SH3KBP1: variants seen among roughly 807,000 people sequenced by gnomAD.
SH3KBP1 encodes the protein SH3 domain containing kinase binding protein 1.
In SH3KBP1, 8 loss-of-function variants were observed where a neutral mutation model predicts 50.1. The ratio of observed to expected loss-of-function variants is 0.16; its 90% CI spans 0.09 to 0.29. SH3KBP1 has a LOEUF of 0.29. Ranked by LOEUF, SH3KBP1 falls within the 10% of genes least tolerant of loss-of-function variation. SH3KBP1 has a pLI of 1.00. For synonymous variants in SH3KBP1, 227 were observed against 218.6 expected, an observed-to-expected ratio of 1.04 and a Z score of -0.34; for missense variants, 377 against 535.2, an observed-to-expected ratio of 0.70 and a Z score of 2.92.
chrX:19,791,913 C>T (rs962279313), intron 2 of SH3KBP1, among the ~76,000 whole-genome samples: 4 of 111,473 alleles, frequency 3.6e-5, no homozygotes, highest in Non-Finnish European at 5.7e-5. Flanking sequence ...AATACATTTC[C>T]GTAATTTTGA....
At chrX:19,758,124 G>C (rs1468212128) in intron 2 of SH3KBP1, among the ~76,000 whole-genome samples, 3 of 109,687 alleles carry the variant, frequency 2.7e-5, no homozygotes, top group Non-Finnish European at 5.7e-5. Context: ...GCAGGAGTTC[G>C]AGACCAGCCT....
intron 10 of SH3KBP1, among the ~76,000 whole-genome samples, chrX:19,592,654 G>A (rs986025117): frequency 8.9e-6 from 1 of 111,904 alleles, no homozygotes; most frequent in Non-Finnish European, 1.9e-5. Context: ...ATGTGGGTGG[G>A]CCTGTGACTG....
intron 2 of SH3KBP1, among the ~76,000 whole-genome samples, chrX:19,789,472 G>A (rs765027260): frequency 1.1e-4 from 12 of 110,581 alleles, no homozygotes; most frequent in Non-Finnish European, 1.7e-4. Context: ...CTGAAGGCTG[G>A]AATCAAGGTA....
chrX:19,615,373 C>T (rs1199009284), intron 8 of SH3KBP1, among the ~76,000 whole-genome samples: 1 of 112,488 alleles, frequency 8.9e-6, no homozygotes, highest in Admixed American at 9.4e-5. Context: ...TCCAGCATGG[C>T]TGTTCTTCAT....
At chrX:19,857,190 T>G (rs2068670466) in intron 1 of SH3KBP1, among the ~76,000 whole-genome samples, 1 of 108,829 alleles carries the variant, frequency 9.2e-6, no homozygotes, top group African/African-American at 3.3e-5. Context: ...GCTCTGTCCT[T>G]GATACAAGCT....
At chrX:19,709,887 T>C (rs1371830461) in intron 3 of SH3KBP1, among the ~76,000 whole-genome samples, 1 of 111,951 alleles carries the variant, frequency 8.9e-6, no homozygotes, top group Non-Finnish European at 1.9e-5. Context: ...TTCACTGGTG[T>C]TTACTAGTGA....
At chrX:19,569,496 C>T (rs1238336657) in intron 12 of SH3KBP1, among the ~76,000 whole-genome samples, 11 of 112,795 alleles carry the variant, frequency 9.8e-5, no homozygotes, top group East Asian at 2.8e-4. Context: ...ATAGGGCCTG[C>T]TCCTGCCCTG....
At chrX:19,770,869 T>A (rs955046921) in intron 2 of SH3KBP1, among the ~76,000 whole-genome samples, 6 of 111,813 alleles carry the variant, frequency 5.4e-5, no homozygotes, top group Admixed American at 2.8e-4. Context: ...TCTGTTCATG[T>A]CCTTTGCCCA....
At chrX:19,766,483 CTTTTTTTTTTTTTTTTTT>C (rs61439964) in intron 2 of SH3KBP1, among the ~76,000 whole-genome samples, 16 of 22,585 alleles carry the variant, frequency 7.1e-4, no homozygotes, top group East Asian at 1.7e-3. Context: ...TTGATTGCAT[CTTTTTTTTTTTTTTTTTT>C]TTTTTTTTTT....
At chrX:19,671,937 T>C (rs1393113032) in intron 6 of SH3KBP1, among the ~76,000 whole-genome samples, 1 of 112,118 alleles carries the variant, frequency 8.9e-6, no homozygotes, top group Non-Finnish European at 1.9e-5. Flanking sequence ...CAGTTAACTA[T>C]GGTTAATATT....
intron 9 of SH3KBP1, among the ~76,000 whole-genome samples, chrX:19,602,049 C>T (rs892805726): frequency 9.0e-6 from 1 of 110,899 alleles, no homozygotes; most frequent in Non-Finnish European, 1.9e-5. Flanking sequence ...TCACAGTTCA[C>T]CCCTTGGCTC....
chrX:19,781,912 C>A (rs1300081400), intron 2 of SH3KBP1, among the ~76,000 whole-genome samples: 1 of 111,693 alleles, frequency 9.0e-6, no homozygotes, highest in African/African-American at 3.3e-5. Flanking sequence ...AATGACCAGG[C>A]AGATTTTTTA....
At chrX:19,562,130 T>C (rs1251100628) in intron 13 of SH3KBP1, among the ~76,000 whole-genome samples, 1 of 111,690 alleles carries the variant, frequency 9.0e-6, no homozygotes, top group Non-Finnish European at 1.9e-5. Context: ...TGAGAGTCCA[T>C]GGCTAAATAA....
chrX:19,769,515 T>C (rs1311794512), intron 2 of SH3KBP1, among the ~76,000 whole-genome samples: 1 of 111,216 alleles, frequency 9.0e-6, no homozygotes, highest in Non-Finnish European at 1.9e-5. Context: ...AATTCTGTCT[T>C]AACTACCTTC....
intron 3 of SH3KBP1, among the ~76,000 whole-genome samples, chrX:19,709,211 T>C (rs967700198): frequency 1.8e-5 from 2 of 111,993 alleles, no homozygotes; most frequent in Admixed American, 9.4e-5. Flanking sequence ...TCATGACTGT[T>C]ACTGTTTTGG....
At chrX:19,804,500 T>C (rs1275582767) in intron 2 of SH3KBP1, among the ~76,000 whole-genome samples, 1 of 111,120 alleles carries the variant, frequency 9.0e-6, no homozygotes, top group Non-Finnish European at 1.9e-5. Flanking sequence ...AGTTTTGGAG[T>C]GGAAGCCCTT....
intron 1 of SH3KBP1, among the ~76,000 whole-genome samples, chrX:19,869,232 C>T (rs1446496469): frequency 8.9e-6 from 1 of 112,220 alleles, no homozygotes; most frequent in African/African-American, 3.2e-5. Context: ...CTGTTTGCAG[C>T]CATTACATTT....
intron 7 of SH3KBP1, among the ~76,000 whole-genome samples, chrX:19,633,791 A>T (rs2061632627): frequency 8.9e-6 from 1 of 112,183 alleles, no homozygotes. Flanking sequence ...ACATCCCAGC[A>T]GACATTCCCC....
At chrX:19,854,749 C>A (rs776350253) in intron 1 of SH3KBP1, among the ~76,000 whole-genome samples, 7 of 110,772 alleles carry the variant, frequency 6.3e-5, no homozygotes, top group Non-Finnish European at 1.1e-4. Flanking sequence ...CCCCCAAGAG[C>A]CCCATGGATG....
Sources: gnomAD v4.1 joint callset for allele counts (sites outside exome capture counted in the v4.1 genomes callset) on GRCh38, gnomAD v4.1.1 for gene constraint, MANE v1.5 for transcripts, NCBI Gene and HGNC (gene_info 2026-07-23, HGNC 2026-07-21) for gene names.